CSMD1: variants seen among roughly 807,000 people sequenced by gnomAD.
The protein encoded by CSMD1 is CUB and sushi domain-containing protein 1.
Under a neutral mutation model 417.5 loss-of-function variants are expected in CSMD1, and 213 were observed. That is an observed-to-expected ratio of 0.51 (90% CI 0.46 to 0.57). The LOEUF is 0.57. Among genes scored for constraint, CSMD1 ranks in the 20% least tolerant of loss-of-function variants. CSMD1 has a pLI of 0.00. For synonymous variants in CSMD1, 2,862 were observed against 1,736.8 expected (o/e 1.65, Z -16.11); for missense variants, 6,923 against 4,529.7 (o/e 1.53, Z -15.17).
At chr8:3,973,119 T>A (rs1179300118) in intron 5 of CSMD1, among the ~76,000 whole-genome samples, 1 of 152,250 alleles carries the variant, frequency 6.6e-6, no homozygotes, top group East Asian at 1.9e-4. Flanking sequence ...TCTTGACAGT[T>A]GGAAAGTTAT....
At chr8:4,192,400 G>C (rs947196854) in intron 3 of CSMD1, among the ~76,000 whole-genome samples, 4 of 152,060 alleles carry the variant, frequency 2.6e-5, no homozygotes, top group African/African-American at 9.7e-5. Context: ...GCTAAGTTGT[G>C]CCTGGAACAT....
chr8:4,872,898 G>A (rs1026794621), intron 1 of CSMD1, among the ~76,000 whole-genome samples: 6 of 152,000 alleles, frequency 3.9e-5, no homozygotes, highest in East Asian at 1.9e-4. Flanking sequence ...TACTTTGTGC[G>A]ATGTCTGAAT....
intron 2 of CSMD1, among the ~76,000 whole-genome samples, chr8:4,508,364 T>C (rs1802643074): frequency 6.6e-6 from 1 of 152,172 alleles, no homozygotes; most frequent in Non-Finnish European, 1.5e-5. Flanking sequence ...TTCCAGTTAG[T>C]TCAAATATCA....
At chr8:3,165,352 C>T (rs1333158010) in intron 37 of CSMD1, among the ~76,000 whole-genome samples, 1 of 152,130 alleles carries the variant, frequency 6.6e-6, no homozygotes, top group African/African-American at 2.4e-5. Context: ...CATAAAGATG[C>T]ACTAATTCGC....
intron 3 of CSMD1, among the ~76,000 whole-genome samples, chr8:4,107,074 C>T (rs1585326421): frequency 6.6e-6 from 1 of 152,070 alleles, no homozygotes; most frequent in Non-Finnish European, 1.5e-5. Flanking sequence ...TCCATGTCAA[C>T]GACAACATGA....
intron 12 of CSMD1, among the ~76,000 whole-genome samples, chr8:3,453,946 T>C (rs910114968): frequency 1.3e-5 from 2 of 152,192 alleles, no homozygotes; most frequent in Non-Finnish European, 2.9e-5. Flanking sequence ...TGTGGGACTC[T>C]AAGTCTCTTT....
chr8:4,325,760 A>C (rs1799523364), intron 3 of CSMD1, among the ~76,000 whole-genome samples: 1 of 151,982 alleles, frequency 6.6e-6, no homozygotes, highest in African/African-American at 2.4e-5. Flanking sequence ...TTCCTGTTGC[A>C]CCCCTCTCCA....
chr8:4,109,363 A>G (rs1563135091), intron 3 of CSMD1, among the ~76,000 whole-genome samples: 2 of 152,180 alleles, frequency 1.3e-5, no homozygotes, highest in African/African-American at 4.8e-5. Flanking sequence ...CTTATTTCAT[A>G]GATTTACTGG....
chr8:3,926,051 T>TACACACACACACACACAAACACC, intron 5 of CSMD1, among the ~76,000 whole-genome samples: 1 of 76,680 alleles, frequency 1.3e-5, no homozygotes, highest in East Asian at 4.8e-4. Flanking sequence ...ACAAACACCA[T>TACACACACACACACACAAACACC]ATACACACAC....
At chr8:3,197,270 C>T (rs1487936357) in intron 33 of CSMD1, among the ~76,000 whole-genome samples, 2 of 152,056 alleles carry the variant, frequency 1.3e-5, no homozygotes, top group Admixed American at 1.3e-4. Flanking sequence ...CTGTTGCAAA[C>T]ATTTTTCACT....
At chr8:3,926,082 TACACACAC>T (rs58966907) in intron 5 of CSMD1, among the ~76,000 whole-genome samples, 4,201 of 103,702 alleles carry the variant, frequency 0.041, 219 homozygotes, top group African/African-American at 0.069. Flanking sequence ...ACAAACACCA[TACACACAC>T]ACACACACAC....
chr8:4,255,396 G>A (rs77624957), intron 3 of CSMD1, among the ~76,000 whole-genome samples: 15 of 152,086 alleles, frequency 9.9e-5, no homozygotes, highest in Non-Finnish European at 7.4e-5. Flanking sequence ...AAATTAAAGA[G>A]GACGCAATAT....
At chr8:4,196,292 C>T (rs1017244345) in intron 3 of CSMD1, among the ~76,000 whole-genome samples, 1 of 152,160 alleles carries the variant, frequency 6.6e-6, no homozygotes, top group Non-Finnish European at 1.5e-5. Flanking sequence ...GTTTACAGAG[C>T]GCTCATTTGT....
Position 3,899,025 on chromosome 8 carries a change from G to A in CSMD1, c.818+98878C>T, listed in dbSNP as rs114816788. The stretch of plus-strand genomic sequence containing the variant: ...ATATGTGCTAGAAGCCACAAAGGTC[G>A]TACGCGTCCAGGAAAAGAAAACAAT... On this transcript the variant is annotated intron_variant, in intron 5 of 69. Coordinates refer to ENST00000635120, the MANE Select transcript of CSMD1 (RefSeq NM_033225.6). Among the ~76,000 whole-genome samples, 1,068 of 152,234 alleles carry A rather than the reference G, an allele frequency of 7.0e-3. 16 individuals carry two copies. The highest frequency in any genetic ancestry group is 0.024 in the African/African-American group (1,009 of 41,538).
At chr8:3,438,189 A>G (rs1310421569) in intron 12 of CSMD1, among the ~76,000 whole-genome samples, 2 of 152,186 alleles carry the variant, frequency 1.3e-5, no homozygotes, top group Admixed American at 6.5e-5. Context: ...GAATTTTGAG[A>G]TAATTATAGA....
chr8:4,926,471 C>G (rs1806880664), intron 1 of CSMD1, among the ~76,000 whole-genome samples: 1 of 152,104 alleles, frequency 6.6e-6, no homozygotes, highest in South Asian at 2.1e-4. Context: ...TTTGGAATTT[C>G]AAAACGGTGT....
At chr8:4,244,292 A>G (rs986814652) in intron 3 of CSMD1, among the ~76,000 whole-genome samples, 1 of 152,116 alleles carries the variant, frequency 6.6e-6, no homozygotes, top group African/African-American at 2.4e-5. Flanking sequence ...TCTTCGGGAA[A>G]CACTATGCAG....
chr8:4,505,594 G>A (rs1585177304), intron 2 of CSMD1, among the ~76,000 whole-genome samples: 1 of 151,880 alleles, frequency 6.6e-6, no homozygotes, highest in Non-Finnish European at 1.5e-5. Flanking sequence ...TAATAACTTA[G>A]CCTTGTGCTT....
intron 2 of CSMD1, among the ~76,000 whole-genome samples, chr8:4,422,111 G>T (rs181794308): frequency 2.0e-5 from 3 of 152,030 alleles, no homozygotes; most frequent in African/African-American, 7.2e-5. Flanking sequence ...TACATAATAT[G>T]AATTATCCTA....
Sources: allele counts gnomAD v4.1 joint callset (sites outside exome capture counted in the v4.1 genomes callset), GRCh38; gene constraint gnomAD v4.1.1; transcripts MANE v1.5; gene names NCBI Gene and HGNC (gene_info 2026-07-23, HGNC 2026-07-21).